AFAP1L1: variants seen among roughly 807,000 people sequenced by gnomAD.
AFAP1L1 encodes actin filament-associated protein 1-like 1.
In AFAP1L1, 77 loss-of-function variants were observed where a neutral mutation model predicts 99.8. The observed-to-expected ratio is 0.77, with a 90% confidence interval of 0.64 to 0.93. AFAP1L1 has a LOEUF of 0.93. Among genes scored for constraint, AFAP1L1 ranks in the 40% least tolerant of loss-of-function variants. The pLI is 0.00. For missense variants in AFAP1L1, 893 were observed against 996.8 expected, an observed-to-expected ratio of 0.90 and a Z score of 1.40; for synonymous variants, 373 against 395.3, an observed-to-expected ratio of 0.94 and a Z score of 0.67.
At chr5:149,315,193 A>G (rs1272935925) in intron 9 of AFAP1L1, among the ~76,000 whole-genome samples, 1 of 152,146 alleles carries the variant, frequency 6.6e-6, no homozygotes, top group African/African-American at 2.4e-5. Context: ...TGGGCTGGCA[A>G]TGAAATTGTT....
At chr5:149,330,915 C>T (rs1353434596) in intron 16 of AFAP1L1, among the ~76,000 whole-genome samples, 1 of 151,934 alleles carries the variant, frequency 6.6e-6, no homozygotes, top group East Asian at 1.9e-4. Context: ...ACATGGTAAG[C>T]ATTTTTAAAA....
intron 1 of AFAP1L1, among the ~76,000 whole-genome samples, chr5:149,288,321 C>A (rs1033041722): frequency 2.6e-5 from 4 of 152,226 alleles, no homozygotes; most frequent in Non-Finnish European, 5.9e-5. Context: ...AATGACAGTG[C>A]CTCTCTGAGC....
rs756369175 is a variant in AFAP1L1 at position 149,316,215 on chromosome 5, G to C, written c.1179G>C (p.Lys393Asn). Residue 393 changes from lysine (K) to asparagine (N), a missense_variant, in exon 11 of 19, where the codon AAG (lysine) becomes AAC (asparagine). Coordinates refer to ENST00000296721, the MANE Select transcript of AFAP1L1 (RefSeq NM_152406.4). ...KGSMSRAAGR[K>N]ITRIIGFSKK... ...CAATGAGCAGGGCTGCGGGCCGCAA[G>C]ATCACCCGTATCATTGGCTTCTCCA... The C allele has an allele frequency of 6.2e-7, 1 of 1,614,116 alleles. No homozygotes were observed. Among genetic ancestry groups the C allele is most frequent in the East Asian group, 2.2e-5 (1 of 44,878 alleles).
At chr5:149,334,682 T>A (rs1757352019) in intron 17 of AFAP1L1, among the ~76,000 whole-genome samples, 3 of 152,046 alleles carry the variant, frequency 2.0e-5, no homozygotes, top group Non-Finnish European at 2.9e-5. Context: ...GAGGCTGAGA[T>A]GGGCAGATCA....
chr5:149,337,402 A>T (rs997395704), intron 18 of AFAP1L1, among the ~76,000 whole-genome samples: 3 of 152,232 alleles, frequency 2.0e-5, no homozygotes, highest in South Asian at 4.1e-4. Context: ...AATCAAAAAA[A>T]TAGTTCAAAT....
rs868179199 is a variant in AFAP1L1, at chr5:149,296,326, G to A, written c.17-3183G>A. ...TGAGATTACAGGCGTGAGCCAACAC[G>A]CCTGGCCCAATAATTTTTAAAAGTA... On this transcript the variant is annotated intron_variant, in intron 1 of 18. Coordinates refer to ENST00000296721, the MANE Select transcript of AFAP1L1 (RefSeq NM_152406.4). 1.3e-4 allele frequency among the ~76,000 whole-genome samples: 20 copies of A among 152,302 alleles called. 2 individuals carry two copies. The South Asian group carries it at 3.1e-3, about 24-fold the overall frequency.
At position 149,306,312 on chromosome 5, in the gene AFAP1L1, G is replaced by T. The variant is rs1756408445; in HGVS notation, c.443G>T (p.Cys148Phe). ...SPEYISSHNG[C>F]SPSHSIVDGY... ...TCTTTCTGACAACCCACAGATGGCT[G>T]CAGCCCCTCACACTCGATTGTGGAT... The change falls in exon 6 of 19, where the codon TGC becomes TTC. Residue 148 changes from cysteine to phenylalanine, a missense_variant. Cys to Phe is a radical substitution (Grantham distance 205, BLOSUM62 -2). Transcript: ENST00000296721. 1 of 1,612,324 alleles carries T rather than the reference G, an allele frequency of 6.2e-7. No individual in the cohort carries two copies. The highest frequency in any genetic ancestry group is 1.3e-5 in the African/African-American group (1 of 74,886).
At chr5:149,315,171 G>A (rs61001698) in intron 9 of AFAP1L1, among the ~76,000 whole-genome samples, 1,718 of 152,308 alleles carry the variant, frequency 0.011, 29 homozygotes, top group African/African-American at 0.04. Flanking sequence ...GGTGTCATGA[G>A]TAAAACTAAT....
chr5:149,325,836 A>G (rs1581337625), intron 15 of AFAP1L1, among the ~76,000 whole-genome samples: 1 of 152,184 alleles, frequency 6.6e-6, no homozygotes, highest in East Asian at 1.9e-4. Context: ...AAGAGGCAAA[A>G]GGGGGTTGAA....
chr5:149,309,302 C>T (rs1201189436), intron 7 of AFAP1L1, among the ~76,000 whole-genome samples: 1 of 151,902 alleles, frequency 6.6e-6, no homozygotes, highest in Non-Finnish European at 1.5e-5. Context: ...TTTTTCTATT[C>T]ATATGATTAA....
chr5:149,312,295 A>G (rs1265126504), intron 9 of AFAP1L1, 91 bp downstream of exon 9: 5 of 1,324,670 alleles, frequency 3.8e-6, no homozygotes, highest in East Asian at 4.6e-5. Context: ...CTGGGGGGAA[A>G]GTCAGGCAAC....
At chr5:149,337,083 A>G (rs1181741545) in intron 18 of AFAP1L1, among the ~76,000 whole-genome samples, 2 of 152,222 alleles carry the variant, frequency 1.3e-5, no homozygotes, top group African/African-American at 4.8e-5. Context: ...ATGAAAATAT[A>G]AAATTAATCT....
chr5:149,284,763 A>G (rs1755625361), intron 1 of AFAP1L1, among the ~76,000 whole-genome samples: 1 of 152,188 alleles, frequency 6.6e-6, no homozygotes, highest in South Asian at 2.1e-4. Context: ...ATGTGTTGCA[A>G]TTTGGGGAAA....
At chr5:149,339,203 C>T (rs548420363) in intron 18 of AFAP1L1, among the ~76,000 whole-genome samples, 19 of 118,190 alleles carry the variant, frequency 1.6e-4, no homozygotes, top group Admixed American at 9.1e-4. Flanking sequence ...TTTTTTGAGA[C>T]GGAGTCTCGC....
chr5:149,308,693 C>T (rs1756513506), intron 7 of AFAP1L1, among the ~76,000 whole-genome samples: 1 of 152,150 alleles, frequency 6.6e-6, no homozygotes, highest in Non-Finnish European at 1.5e-5. Context: ...TCCAATCCTA[C>T]CCCTTCTATA....
chr5:149,271,865 C>G lies in AFAP1L1; in HGVS notation c.-104C>G, dbSNP rs1227928801. On this transcript the variant is annotated 5_prime_UTR_variant, in exon 1 of 19. Coordinates refer to ENST00000296721, the MANE Select transcript of AFAP1L1 (RefSeq NM_152406.4). ...GTCTGGGGGAGGGGACCGCAGAGAG[C>G]GCCGGCCGCTGGGCTGGCCTGAGAG... 1.1e-6 allele frequency: 1 copy of G among 908,880 alleles called. No individual in the cohort carries two copies. The highest frequency in any genetic ancestry group is 1.4e-6 in the Non-Finnish European group (1 of 712,206). The allele number at this position is 908,880 out of a possible 1,614,324, so 56.3% of individuals were successfully genotyped here. A position where few individuals can be genotyped will look rare whatever the true frequency, so the allele number is the denominator to read the frequency against.
At chr5:149,332,242 C>T (rs1757276664) in intron 16 of AFAP1L1, among the ~76,000 whole-genome samples, 1 of 152,140 alleles carries the variant, frequency 6.6e-6, no homozygotes, top group African/African-American at 2.4e-5. Flanking sequence ...ACTAAAAATA[C>T]AAAAATTAGC....
At chr5:149,304,632 G>A (rs1756338162) in intron 5 of AFAP1L1, among the ~76,000 whole-genome samples, 1 of 152,240 alleles carries the variant, frequency 6.6e-6, no homozygotes, top group Non-Finnish European at 1.5e-5. Flanking sequence ...AAGCCCATCA[G>A]GGAGTATCCT....
At chr5:149,323,341 G>A (rs1031725700) in intron 15 of AFAP1L1, among the ~76,000 whole-genome samples, 7 of 152,214 alleles carry the variant, frequency 4.6e-5, no homozygotes. Flanking sequence ...CAGGAGCTCA[G>A]TGAATTGCCT....
Sources: allele counts gnomAD v4.1 joint callset (sites outside exome capture counted in the v4.1 genomes callset), GRCh38; gene constraint gnomAD v4.1.1; transcripts MANE v1.5; gene names NCBI Gene and HGNC (gene_info 2026-07-23, HGNC 2026-07-21).